SH3GL2: variants seen among roughly 807,000 people sequenced by gnomAD.
SH3GL2 encodes endophilin-A1.
A neutral mutation model predicts 46.0 loss-of-function variants in SH3GL2; 24 were observed. The observed-to-expected ratio is 0.52, with a 90% CI of 0.38 to 0.73. The LOEUF (loss-of-function observed/expected upper bound fraction) is 0.73. Among genes scored for constraint, SH3GL2 ranks in the 30% least tolerant of loss-of-function variants. SH3GL2 has a pLI of 0.00. For synonymous variants in SH3GL2, 196 were observed against 147.1 expected (o/e 1.33, Z -2.40); for missense variants, 413 against 424.2 (o/e 0.97, Z 0.23).
intron 1 of SH3GL2, among the ~76,000 whole-genome samples, chr9:17,663,005 C>T (rs1247785110): frequency 6.6e-6 from 1 of 152,050 alleles, no homozygotes; most frequent in African/African-American, 2.4e-5. Flanking sequence ...GCCCAGCTGG[C>T]TAAGTCCTTT....
rs1824259509 is a variant in SH3GL2, at chr9:17,795,799, T to C, written c.*56T>C. On this transcript the variant is annotated 3_prime_UTR_variant, in exon 9 of 9. Transcript: ENST00000380607. ...GACCCAGATAGTTACGGTTAACCAC[T>C]GCTTTGGCAATGCTGCTTATAACAC... The C allele has an allele frequency of 7.1e-7, 1 of 1,408,982 alleles. No individual in the cohort carries two copies. Among genetic ancestry groups the C allele is most frequent in the South Asian group, 1.2e-5 (1 of 80,720 alleles). 87.3% of individuals were successfully genotyped at this position (1,408,982 alleles called of 1,614,324 possible). A position where few individuals can be genotyped will look rare whatever the true frequency, so the allele number is the denominator to read the frequency against.
chr9:17,741,043 A>G (rs1822513462), intron 1 of SH3GL2, among the ~76,000 whole-genome samples: 1 of 152,118 alleles, frequency 6.6e-6, no homozygotes, highest in Non-Finnish European at 1.5e-5. Context: ...TGTCAACGGT[A>G]TTCTTTGTAC....
At chr9:17,751,628 A>C (rs974845960) in intron 2 of SH3GL2, among the ~76,000 whole-genome samples, 1 of 152,124 alleles carries the variant, frequency 6.6e-6, no homozygotes, top group Non-Finnish European at 1.5e-5. Flanking sequence ...GAGGCACACC[A>C]GTCATCTCTT....
chr9:17,607,961 A>G (rs1028010872), intron 1 of SH3GL2, among the ~76,000 whole-genome samples: 1 of 152,152 alleles, frequency 6.6e-6, no homozygotes, highest in East Asian at 1.9e-4. Context: ...TAGGCATACA[A>G]TTATATGAAA....
chr9:17,624,308 C>G (rs958829947), intron 1 of SH3GL2, among the ~76,000 whole-genome samples: 1 of 152,120 alleles, frequency 6.6e-6, no homozygotes, highest in Non-Finnish European at 1.5e-5. Flanking sequence ...CTCTTTCTTC[C>G]CTTGCAATAA....
intron 1 of SH3GL2, among the ~76,000 whole-genome samples, chr9:17,708,601 A>G (rs892547301): frequency 2.0e-5 from 3 of 152,018 alleles, no homozygotes; most frequent in African/African-American, 7.2e-5. Context: ...TTCTTTAACC[A>G]TGAACACCTG....
chr9:17,786,328 T>C (rs1044870882), intron 3 of SH3GL2, 53 bp from the exon 4 acceptor site: 3 of 1,552,988 alleles, frequency 1.9e-6, no homozygotes, highest in Non-Finnish European at 2.6e-6. Context: ...CCAGCCCTAT[T>C]TCCGCAGTGT....
At chr9:17,777,623 C>A (rs568506158) in intron 3 of SH3GL2, among the ~76,000 whole-genome samples, 2 of 150,420 alleles carry the variant, frequency 1.3e-5, no homozygotes, top group Admixed American at 1.3e-4. Context: ...TGAGGGCTCT[C>A]TTCCTGGCTG....
In SH3GL2 at chr9:17,795,935, G is replaced by A. The variant is rs1824262687; in HGVS notation, c.*192G>A. 1 of 573,302 alleles carries A rather than the reference G, an allele frequency of 1.7e-6. No individual in the cohort carries two copies. The highest frequency in any genetic ancestry group is 3.1e-6 in the Non-Finnish European group (1 of 322,050). The allele number at this position is 573,302 out of a possible 1,614,324, so 35.5% of individuals were successfully genotyped here. ...GTGATGGATGATATCCTCTTAGCCT[G>A]GTGGGCGTGGCATGTGCTTTTTAAA... On this transcript the variant is annotated 3_prime_UTR_variant, in exon 9 of 9. Coordinates refer to ENST00000380607, the MANE Select transcript of SH3GL2 (RefSeq NM_003026.5).
At chr9:17,664,824 A>G (rs1435018252) in intron 1 of SH3GL2, among the ~76,000 whole-genome samples, 2 of 151,364 alleles carry the variant, frequency 1.3e-5, no homozygotes, top group Admixed American at 1.3e-4. Flanking sequence ...CTTTTAATTC[A>G]CTCAACTGTC....
chr9:17,587,670 G>T (rs1479131085), intron 1 of SH3GL2, among the ~76,000 whole-genome samples: 2 of 152,114 alleles, frequency 1.3e-5, no homozygotes, highest in African/African-American at 2.4e-5. Context: ...CTGAGGCCAG[G>T]GGTTCAAGAC....
chr9:17,710,499 C>T (rs1821591017), intron 1 of SH3GL2, among the ~76,000 whole-genome samples: 1 of 151,790 alleles, frequency 6.6e-6, no homozygotes, highest in Non-Finnish European at 1.5e-5. Flanking sequence ...AGGAATTTTT[C>T]AACAAATTAA....
Position 17,621,617 on chromosome 9 carries a change from T to C in SH3GL2, c.45+42330T>C, listed in dbSNP as rs185645907. Among the ~76,000 whole-genome samples the C allele has an allele frequency of 1.5e-3, 227 of 152,326 alleles. 1 individual carries two copies. The highest frequency in any genetic ancestry group is 5.3e-3 in the African/African-American group (222 of 41,570). The stretch of plus-strand genomic sequence containing the variant: ...TCTTTAACTCTGTTTAAAGTATTGA[T>C]GTCAGGATGATACTTCAAGTTTGAG... On this transcript the variant is annotated intron_variant, in intron 1 of 8. Transcript: ENST00000380607.
rs549832327 is a variant in SH3GL2 at position 17,653,937 on chromosome 9, A to G, written c.45+74650A>G. On this transcript the variant is annotated intron_variant, in intron 1 of 8. Coordinates refer to ENST00000380607, the MANE Select transcript of SH3GL2 (RefSeq NM_003026.5). ...AAAACATCACATCTGTAACAAAAGA[A>G]ATGACTAGGCAGATCTTCTTTTAAA... 15 of 702,926 alleles carry G rather than the reference A, an allele frequency of 2.1e-5. No individual in the cohort carries two copies. The South Asian group carries it at 7.7e-4, about 36-fold the overall frequency. The allele number at this position is 702,926 out of a possible 1,614,324, so 43.5% of individuals were successfully genotyped here. A position where few individuals can be genotyped will look rare whatever the true frequency, so the allele number is the denominator to read the frequency against.
chr9:17,789,386 T>C lies in SH3GL2; in HGVS notation c.466-6T>C. On this transcript the variant is annotated splice_region_variant and splice_polypyrimidine_tract_variant and intron_variant, in intron 5 of 8. Coordinates refer to ENST00000380607, the MANE Select transcript of SH3GL2 (RefSeq NM_003026.5). ...CAAAGCCTATTCCTGCCCTTGACTT[T>C]TGCAGCATCATCTAAAGAAGTTGGA... 6.2e-7 allele frequency: 1 copy of C among 1,612,718 alleles called. No homozygotes were observed. The highest frequency in any genetic ancestry group is 8.5e-7 in the Non-Finnish European group (1 of 1,179,074).
chr9:17,645,309 T>C (rs1293886782), intron 1 of SH3GL2, among the ~76,000 whole-genome samples: 1 of 151,798 alleles, frequency 6.6e-6, no homozygotes, highest in South Asian at 2.1e-4. Context: ...CACCGATGGG[T>C]CTTGAATCTT....
rs372355563 is a variant in SH3GL2, at chr9:17,725,527, A to G, written c.46-21539A>G. Among the ~76,000 whole-genome samples the G allele has an allele frequency of 9.9e-5, 15 of 152,242 alleles. 1 individual carries two copies. The South Asian group carries it at 2.9e-3, about 29-fold the overall frequency. ...ATAAAGTCAGTCTCCTCAGTCAGCA[A>G]GGCAGAAGGGGAGCTCCCTCTGTCC... On this transcript the variant is annotated intron_variant, in intron 1 of 8. Transcript: ENST00000380607.
At chr9:17,674,386 C>A (rs116129461) in intron 1 of SH3GL2, among the ~76,000 whole-genome samples, 2,639 of 152,182 alleles carry the variant, frequency 0.017, 86 homozygotes, top group African/African-American at 0.061. Flanking sequence ...TTTGCCTGAA[C>A]CTCCTTAGTA....
intron 3 of SH3GL2, among the ~76,000 whole-genome samples, chr9:17,771,554 C>G (rs1459900783): frequency 2.6e-5 from 4 of 152,232 alleles, no homozygotes; most frequent in Admixed American, 1.3e-4. Context: ...AAAGCAAAGG[C>G]TGATGATGTT....
Sources: allele counts gnomAD v4.1 joint callset (sites outside exome capture counted in the v4.1 genomes callset), GRCh38; gene constraint gnomAD v4.1.1; transcripts MANE v1.5; gene names NCBI Gene and HGNC (gene_info 2026-07-23, HGNC 2026-07-21).